Variants in ELOVL7 observed in about 807,000 individuals in gnomAD.
ELOVL7 encodes very long chain fatty acid elongase 7.
A neutral mutation model predicts 35.7 loss-of-function variants in ELOVL7; 27 were observed. The observed-to-expected ratio is 0.76, with a 90% CI of 0.56 to 1.04. The LOEUF is 1.04. Among genes scored for constraint, ELOVL7 ranks in the 50% least tolerant of loss-of-function variants. The pLI is 0.00. For synonymous variants in ELOVL7, 113 were observed against 114.6 expected, an observed-to-expected ratio of 0.99 and a Z score of 0.09; for missense variants, 327 against 340.8, an observed-to-expected ratio of 0.96 and a Z score of 0.32.
At chr5:60,791,904 G>T (rs761803757) in intron 2 of ELOVL7, among the ~76,000 whole-genome samples, 1 of 151,976 alleles carries the variant, frequency 6.6e-6, no homozygotes, top group Non-Finnish European at 1.5e-5. Context: ...GTATCTGTGC[G>T]ATTTTTTTCC....
At chr5:60,807,871 C>G (rs930300825) in intron 1 of ELOVL7, among the ~76,000 whole-genome samples, 1 of 151,354 alleles carries the variant, frequency 6.6e-6, no homozygotes, top group Admixed American at 6.6e-5. Flanking sequence ...TGGTGGTGGG[C>G]ACCTGTAGTC....
At chr5:60,767,185 T>C (rs4565168) in intron 5 of ELOVL7, among the ~76,000 whole-genome samples, 41,772 of 151,946 alleles carry the variant, frequency 0.27, 9,548 homozygotes, top group African/African-American at 0.63. Flanking sequence ...ACCTCCACCT[T>C]CTGGGTTCAA....
chr5:60,837,326 T>TGGG (rs1471299589), intron 1 of ELOVL7, among the ~76,000 whole-genome samples: 6 of 25,092 alleles, frequency 2.4e-4, no homozygotes, highest in South Asian at 2.6e-3. Context: ...GGGGGGGGAG[T>TGGG]GGGGGGTGGG....
intron 3 of ELOVL7, among the ~76,000 whole-genome samples, chr5:60,785,127 C>G (rs1405178016): frequency 6.6e-6 from 1 of 152,088 alleles, no homozygotes; most frequent in African/African-American, 2.4e-5. Flanking sequence ...TAGGTCTTTT[C>G]ACTCCAAATC....
intron 5 of ELOVL7, 147 bp from the exon 6 acceptor site, chr5:60,766,777 C>T (rs2169254): frequency 0.18 from 110,379 of 627,208 alleles, 16,661 homozygotes; most frequent in African/African-American, 0.63. Context: ...TACCTTCACA[C>T]TGTTGTTCAA....
At chr5:60,818,413 C>A (rs1241565799) in intron 1 of ELOVL7, among the ~76,000 whole-genome samples, 1 of 149,238 alleles carries the variant, frequency 6.7e-6, no homozygotes, top group Non-Finnish European at 1.5e-5. Flanking sequence ...AAAAATCACA[C>A]AAGACAAATA....
At chr5:60,759,366 C>T (rs538580358) in intron 7 of ELOVL7, among the ~76,000 whole-genome samples, 1 of 152,248 alleles carries the variant, frequency 6.6e-6, no homozygotes, top group Non-Finnish European at 1.5e-5. Context: ...TTTGAATAAA[C>T]ACATTATTGT....
chr5:60,841,628 C>T (rs1438759614), intron 1 of ELOVL7, among the ~76,000 whole-genome samples: 1 of 152,188 alleles, frequency 6.6e-6, no homozygotes, highest in Non-Finnish European at 1.5e-5. Context: ...TGACTGTAGC[C>T]TATCTATGGC....
intron 7 of ELOVL7, 115 bp downstream of exon 7, chr5:60,764,110 CAA>C: frequency 1.7e-5 from 12 of 712,948 alleles, no homozygotes; most frequent in Non-Finnish European, 2.9e-5. Flanking sequence ...TAAGTATAAA[CAA>C]AGTGACTCTT....
At position 60,820,170 on chromosome 5, in the gene ELOVL7, G is replaced by C. The variant is rs146141082; in HGVS notation, c.-85-20940C>G. Among the ~76,000 whole-genome samples the C allele has an allele frequency of 4.6e-5, 7 of 152,254 alleles. No homozygotes were observed. The East Asian group carries it at 1.4e-3, about 29-fold the overall frequency. On this transcript the variant is annotated intron_variant, in intron 1 of 8. Transcript: ENST00000508821. ...TGGAAACAGGAACCTCTGTCCTACA[G>C]CCACAAAAAAAGTAAATCCTGCCAA...
At chr5:60,812,979 T>A (rs1206025245) in intron 1 of ELOVL7, among the ~76,000 whole-genome samples, 1 of 152,184 alleles carries the variant, frequency 6.6e-6, no homozygotes, top group East Asian at 1.9e-4. Context: ...ACAATGGTAA[T>A]GACTCCTAAG....
intron 1 of ELOVL7, among the ~76,000 whole-genome samples, chr5:60,826,406 T>C (rs1746174735): frequency 6.6e-6 from 1 of 152,156 alleles, no homozygotes; most frequent in African/African-American, 2.4e-5. Flanking sequence ...TTTTTAAAGA[T>C]TTCAATCATC....
At position 60,839,001 on chromosome 5, in the gene ELOVL7, C is replaced by T. The variant is rs774576218; in HGVS notation, c.-86+5159G>A. 2.6e-4 allele frequency among the ~76,000 whole-genome samples: 37 copies of T among 142,006 alleles called. 2 individuals carry two copies. Among genetic ancestry groups the T allele is most frequent in the Middle Eastern group, 4.1e-3 (1 of 244 alleles). The allele number at this position is 142,006 out of a possible 152,430, so 93.2% of individuals were successfully genotyped here. ...TAGCGCCATTGCACTCCAGCCCAGG[C>T]GACAAGAACAAAACAGTGTCAAAAA... is the stretch of plus-strand genomic sequence containing the variant. On this transcript the variant is annotated intron_variant, in intron 1 of 8. Coordinates refer to ENST00000508821, the MANE Select transcript of ELOVL7 (RefSeq NM_024930.3).
Position 60,764,229 on chromosome 5 carries a change from G to A in ELOVL7, c.497C>T (p.Ala166Val), listed in dbSNP as rs752016580. Residue 166 changes from alanine (A) to valine (V), a missense_variant and splice_region_variant, in exon 7 of 9, where the codon GCA becomes GTA. Coordinates refer to ENST00000508821, the MANE Select transcript of ELOVL7 (RefSeq NM_024930.3). ...WTWWFGVKFA[A>V]GGLGTFHALL... ...GATCCCAAATTTCCCTTGTCTACCT[G>A]CAGCAAATTTGACTCCAAACCACCA... 4 of 1,606,836 alleles carry A rather than the reference G, an allele frequency of 2.5e-6. No individual in the cohort carries two copies. The highest frequency in any genetic ancestry group is 2.6e-6 in the Non-Finnish European group (3 of 1,174,128).
Position 60,771,885 on chromosome 5 carries a change from A to C in ELOVL7, c.255+18T>G. On this transcript the variant is annotated intron_variant, in intron 4 of 8. Coordinates refer to ENST00000508821, the MANE Select transcript of ELOVL7 (RefSeq NM_024930.3). ...ACTCAGGCAAAATTCTCCCATTAGG[A>C]ATACTGAAGACACTTGCCTCATAAC... 6.5e-7 allele frequency: 1 copy of C among 1,534,580 alleles called. No individual in the cohort carries two copies. Among genetic ancestry groups the C allele is most frequent in the South Asian group, 1.2e-5 (1 of 82,422 alleles).
chr5:60,766,620 G>C lies in ELOVL7; in HGVS notation c.347C>G (p.Thr116Ser), dbSNP rs2112158878. 6.2e-7 allele frequency: 1 copy of C among 1,612,696 alleles called. No homozygotes were observed. The highest frequency in any genetic ancestry group is 2.2e-5 in the East Asian group (1 of 44,816). The change falls in exon 6 of 9, where the codon ACC becomes AGC. Residue 116 changes from threonine (T) to serine (S), a missense_variant. Coordinates refer to ENST00000508821, the MANE Select transcript of ELOVL7 (RefSeq NM_024930.3). ...RSPTALRMAR[T>S]CWLYYFSKFI... ...TTTGGAGAAGTAATAAAGCCAGCAG[G>C]TACGTGCCATCTGCAGAAGCACAAA...
At chr5:60,767,782 C>T (rs754148974) in intron 5 of ELOVL7, 41 bp downstream of exon 5, 3 of 1,490,642 alleles carry the variant, frequency 2.0e-6, no homozygotes, top group East Asian at 4.5e-5. Context: ...AAAATTTTAA[C>T]ATTGATTTTG....
intron 1 of ELOVL7, among the ~76,000 whole-genome samples, chr5:60,824,353 A>G (rs1484301877): frequency 1.3e-5 from 2 of 152,234 alleles, no homozygotes; most frequent in African/African-American, 4.8e-5. Flanking sequence ...GAAGTCTCCC[A>G]GAGCAACAGC....
intron 1 of ELOVL7, among the ~76,000 whole-genome samples, chr5:60,800,396 A>C (rs1371278809): frequency 6.6e-6 from 1 of 152,244 alleles, no homozygotes; most frequent in Non-Finnish European, 1.5e-5. Flanking sequence ...TAATCATTCC[A>C]ATCGATGCAA....
Sources: allele counts gnomAD v4.1 joint callset (sites outside exome capture counted in the v4.1 genomes callset), GRCh38; gene constraint gnomAD v4.1.1; transcripts MANE v1.5; gene names NCBI Gene and HGNC (gene_info 2026-07-23, HGNC 2026-07-21).